The following FXN variants were observed in gnomAD, a reference collection of about 807,000 sequenced individuals.
FXN encodes the protein frataxin, also known as frataxin, mitochondrial.
A neutral mutation model predicts 22.4 loss-of-function variants in FXN; 14 were observed. That is an observed-to-expected ratio of 0.62 (90% CI 0.41 to 0.98). The LOEUF (loss-of-function observed/expected upper bound fraction) is 0.98, where lower values mean the gene tolerates loss of function less well. FXN is among the 50% of genes least tolerant of loss of function. The pLI, the probability that FXN is intolerant of heterozygous loss-of-function variation, is 0.00. For synonymous variants in FXN, 120 were observed against 114.1 expected, an observed-to-expected ratio of 1.05 and a Z score of -0.33; for missense variants, 267 against 268.4, an observed-to-expected ratio of 0.99 and a Z score of 0.04.
intron 1 of FXN, among the ~76,000 whole-genome samples, chr9:69,037,918 C>T (rs889620518): frequency 1.3e-5 from 2 of 152,218 alleles, no homozygotes; most frequent in African/African-American, 4.8e-5. Context: ...TCCCAAAGTG[C>T]TGGAATTACA....
At chr9:69,040,974 G>A (rs1320978948) in intron 1 of FXN, among the ~76,000 whole-genome samples, 4 of 152,138 alleles carry the variant, frequency 2.6e-5, no homozygotes, top group African/African-American at 9.7e-5. Flanking sequence ...CCACCCTCCA[G>A]GACTCTAAGA....
Position 69,075,233 on chromosome 9 carries a change from G to A in FXN, c.*2471G>A. Reference sequence around the variant, plus strand: ...AGCACTTTGGGAGGCTGAGGCAAGTGTATCACCTGAGGTCAGGAGTTCAAG... The same window carrying A: ...AGCACTTTGGGAGGCTGAGGCAAGTATATCACCTGAGGTCAGGAGTTCAAG... On this transcript the variant is annotated 3_prime_UTR_variant, in exon 5 of 5. Coordinates refer to ENST00000484259, the MANE Select transcript of FXN (RefSeq NM_000144.5). The A allele has an allele frequency of 2.6e-6, 2 of 783,050 alleles. No individual in the cohort carries two copies. The highest frequency in any genetic ancestry group is 3.1e-6 in the Non-Finnish European group (2 of 646,976). 48.5% of individuals were successfully genotyped at this position (783,050 alleles called of 1,614,324 possible). A position where few individuals can be genotyped will look rare whatever the true frequency, so the allele number is the denominator to read the frequency against.
chr9:69,062,660 TA>T (rs910500247), intron 3 of FXN, among the ~76,000 whole-genome samples: 4 of 152,000 alleles, frequency 2.6e-5, no homozygotes, highest in African/African-American at 7.2e-5. Flanking sequence ...TATTTTCAAT[TA>T]AAAAAACATC....
chr9:69,060,102 C>T (rs1338455870), intron 3 of FXN, among the ~76,000 whole-genome samples: 1 of 152,114 alleles, frequency 6.6e-6, no homozygotes, highest in East Asian at 1.9e-4. Context: ...GGCGTGGTGG[C>T]TCACGCCTGT....
chr9:69,072,314 G>A (rs1832289970), intron 4 of FXN, among the ~76,000 whole-genome samples: 1 of 152,210 alleles, frequency 6.6e-6, no homozygotes, highest in Non-Finnish European at 1.5e-5. Context: ...CTCCAGCATA[G>A]CAGGTATCAC....
At chr9:69,044,071 A>G (rs1831704388) in intron 1 of FXN, among the ~76,000 whole-genome samples, 1 of 152,186 alleles carries the variant, frequency 6.6e-6, no homozygotes, top group Admixed American at 6.5e-5. Flanking sequence ...AGGTGTCTTT[A>G]AACAGAAATA....
chr9:69,048,776 A>G (rs1254703616), intron 2 of FXN, among the ~76,000 whole-genome samples: 2 of 152,186 alleles, frequency 1.3e-5, no homozygotes, highest in Non-Finnish European at 2.9e-5. Flanking sequence ...ACCTGTCCCC[A>G]GAGCTATATG....
Position 69,053,199 on chromosome 9 carries a change from A to T in FXN, c.323A>T (p.Glu108Val), listed in dbSNP as rs1374367391. ...GAGGAAACGCTGGACTCTTTAGCAGAGTTTTTTGAAGACCTTGCAGACAAG... is the reference window on the plus strand; with the variant it reads ...GAGGAAACGCTGGACTCTTTAGCAGTGTTTTTTGAAGACCTTGCAGACAAG... ...LAEETLDSLAEFFEDLADKPY... is the reference protein window; with the variant it reads ...LAEETLDSLAVFFEDLADKPY... The change falls in exon 3 of 5, where the codon GAG becomes GTG. Residue 108 changes from glutamate (E) to valine (V), a missense_variant. Glu to Val is a moderately radical substitution (Grantham distance 121, BLOSUM62 -2). Transcript: ENST00000484259. 1 of 1,613,948 alleles carries T rather than the reference A, an allele frequency of 6.2e-7. No individual in the cohort carries two copies. The highest frequency in any genetic ancestry group is 8.5e-7 in the Non-Finnish European group (1 of 1,179,962).
intron 1 of FXN, 104 bp from the exon 2 acceptor site, chr9:69,046,281 C>G: frequency 1.2e-6 from 1 of 829,228 alleles, no homozygotes. Context: ...ATGGAGCACT[C>G]GGTTACAGGC....
intron 4 of FXN, among the ~76,000 whole-genome samples, chr9:69,066,908 T>G (rs1192253643): frequency 2.0e-5 from 3 of 151,582 alleles, no homozygotes; most frequent in Non-Finnish European, 4.4e-5. Context: ...AGGTTGAGAC[T>G]GGGTGAGACT....
intron 3 of FXN, among the ~76,000 whole-genome samples, chr9:69,057,465 A>G (rs1831980991): frequency 6.6e-6 from 1 of 152,186 alleles, no homozygotes; most frequent in African/African-American, 2.4e-5. Flanking sequence ...TAGCCAATTC[A>G]TATACCTTGA....
chr9:69,076,842 G>A lies in FXN; in HGVS notation c.*4080G>A. The A allele has an allele frequency of 2.0e-6, 2 of 981,516 alleles. No individual in the cohort carries two copies. The highest frequency in any genetic ancestry group is 2.4e-6 in the Non-Finnish European group (2 of 826,360). The allele number at this position is 981,516 out of a possible 1,614,324, so 60.8% of individuals were successfully genotyped here. A position where few individuals can be genotyped will look rare whatever the true frequency, so the allele number is the denominator to read the frequency against. On this transcript the variant is annotated 3_prime_UTR_variant, in exon 5 of 5. Transcript: ENST00000484259. Reference sequence around the variant, plus strand: ...AGCAAGGGAGAAAGGGGAAGGAGGGGCAAAGTTTTGAAATTTCATGTAAAT... The same window carrying A: ...AGCAAGGGAGAAAGGGGAAGGAGGGACAAAGTTTTGAAATTTCATGTAAAT...
rs190837595 is a variant in FXN, at chr9:69,073,760, A to G, written c.*998A>G. 3.6e-3 allele frequency: 3,517 copies of G among 985,454 alleles called. 11 individuals are homozygous for G. The highest frequency in any genetic ancestry group is 4.0e-3 in the Non-Finnish European group (3,346 of 829,936). 61.0% of individuals were successfully genotyped at this position (985,454 alleles called of 1,614,324 possible). A position where few individuals can be genotyped will look rare whatever the true frequency, so the allele number is the denominator to read the frequency against. ...CAGCATTCAGTGGTCCTGTCAAGCA[A>G]CCTAACAGGCTAGTTCTAATTCCCT... On this transcript the variant is annotated 3_prime_UTR_variant, in exon 5 of 5. Transcript: ENST00000484259.
At chr9:69,063,936 G>A (rs771772248) in intron 3 of FXN, among the ~76,000 whole-genome samples, 6 of 152,126 alleles carry the variant, frequency 3.9e-5, no homozygotes, top group East Asian at 1.9e-4. Context: ...TGCCTGCCTC[G>A]GCCTCCCAAA....
chr9:69,043,937 G>A (rs1321154713), intron 1 of FXN, among the ~76,000 whole-genome samples: 1 of 151,826 alleles, frequency 6.6e-6, no homozygotes, highest in African/African-American at 2.4e-5. Flanking sequence ...TGCCCAGGTT[G>A]GTCTCAAACT....
At position 69,078,065 on chromosome 9, in the gene FXN, G is replaced by T; in HGVS notation, c.*5303G>T. The T allele has an allele frequency of 2.0e-6, 2 of 985,358 alleles. No homozygotes were observed. Among genetic ancestry groups the T allele is most frequent in the Non-Finnish European group, 1.2e-6 (1 of 829,906 alleles). The allele number at this position is 985,358 out of a possible 1,614,324, so 61.0% of individuals were successfully genotyped here. On this transcript the variant is annotated 3_prime_UTR_variant, in exon 5 of 5. Coordinates refer to ENST00000484259, the MANE Select transcript of FXN (RefSeq NM_000144.5). ...GATGCTAGCTGAGATTTTTCCAAAAGAAAATGGCTTAAATAAAACCCTAAG... is the reference window on the plus strand; with the variant it reads ...GATGCTAGCTGAGATTTTTCCAAAATAAAATGGCTTAAATAAAACCCTAAG...
intron 1 of FXN, among the ~76,000 whole-genome samples, chr9:69,043,851 AGAGATTATAGGCAC>A (rs1426848003): frequency 2.6e-5 from 4 of 152,054 alleles, no homozygotes; most frequent in African/African-American, 9.7e-5. Flanking sequence ...CCCAAACTGC[AGAGATTATAGGCAC>A]GAACCACAAT....
intron 2 of FXN, among the ~76,000 whole-genome samples, chr9:69,047,116 A>G (rs540191916): frequency 6.6e-6 from 1 of 152,134 alleles, no homozygotes; most frequent in Admixed American, 6.6e-5. Flanking sequence ...GGCATTCCCC[A>G]TGGAAAGCTG....
chr9:69,052,537 ATTTTTTTT>A (rs56938732), intron 2 of FXN, among the ~76,000 whole-genome samples: 1 of 63,252 alleles, frequency 1.6e-5, no homozygotes, highest in Non-Finnish European at 3.0e-5. Flanking sequence ...TGCTGTTTAA[ATTTTTTTT>A]TTTTTTTTTT....
Sources: gnomAD v4.1 joint callset for allele counts (sites outside exome capture counted in the v4.1 genomes callset) on GRCh38, gnomAD v4.1.1 for gene constraint, MANE v1.5 for transcripts, NCBI Gene and HGNC (gene_info 2026-07-23, HGNC 2026-07-21) for gene names.